The following GABRA3 variants were observed in gnomAD, a reference collection of about 807,000 sequenced individuals.
GABRA3 encodes gamma-aminobutyric acid type A receptor subunit alpha3, also known as gamma-aminobutyric acid receptor subunit alpha-3.
In GABRA3, 10 loss-of-function variants were observed where a neutral mutation model predicts 30.1. The observed-to-expected ratio is 0.33, with a 90% CI of 0.20 to 0.56. GABRA3 has a LOEUF of 0.56. Among genes scored for constraint, GABRA3 ranks in the 20% least tolerant of loss-of-function variants. The pLI is 0.89. For missense variants in GABRA3, 233 were observed against 392.0 expected, an observed-to-expected ratio of 0.59 and a Z score of 3.42; for synonymous variants, 151 against 146.8, an observed-to-expected ratio of 1.03 and a Z score of -0.21.
At position 152,368,768 on chromosome X, in the gene GABRA3, T is replaced by C. The variant is rs767265823; in HGVS notation, c.-26-4172A>G. ...TCGCCCAGGCTGGAGTGCAGTGGCG[T>C]GATCTCGGCTCACTGCAAGCTCTGC... On this transcript the variant is annotated intron_variant, in intron 1 of 9. Coordinates refer to ENST00000370314, the MANE Select transcript of GABRA3 (RefSeq NM_000808.4). Among the ~76,000 whole-genome samples the C allele has an allele frequency of 3.4e-3, 327 of 95,125 alleles. 1 individual carries two copies. The highest frequency in any genetic ancestry group is 5.5e-3 in the Non-Finnish European group (267 of 48,775). The allele number at this position is 95,125 out of a possible 115,157, so 82.6% of individuals were successfully genotyped here. A position where few individuals can be genotyped will look rare whatever the true frequency, so the allele number is the denominator to read the frequency against.
At chrX:152,397,684 C>T (rs1929694603) in intron 1 of GABRA3, among the ~76,000 whole-genome samples, 1 of 111,864 alleles carries the variant, frequency 8.9e-6, no homozygotes, top group Non-Finnish European at 1.9e-5. Context: ...CTAAAATATA[C>T]TTATTTTCCC....
intron 4 of GABRA3, among the ~76,000 whole-genome samples, chrX:152,265,150 AATAG>A (rs1938801030): frequency 9.0e-6 from 1 of 111,660 alleles, no homozygotes; most frequent in Admixed American, 9.5e-5. Flanking sequence ...AAATGGACCT[AATAG>A]ATATTTACAG....
chrX:152,248,595 A>G (rs989857991), intron 5 of GABRA3, among the ~76,000 whole-genome samples: 3 of 112,098 alleles, frequency 2.7e-5, no homozygotes, highest in Non-Finnish European at 3.8e-5. Flanking sequence ...CAAGAAATAC[A>G]CTTCTATCAT....
chrX:152,168,222 C>G lies in GABRA3; in HGVS notation c.*6G>C. The G allele has an allele frequency of 8.3e-7, 1 of 1,203,411 alleles. No individual in the cohort carries two copies. The highest frequency in any genetic ancestry group is 1.1e-6 in the Non-Finnish European group (1 of 888,489). On this transcript the variant is annotated 3_prime_UTR_variant, in exon 10 of 10. Coordinates refer to ENST00000370314, the MANE Select transcript of GABRA3 (RefSeq NM_000808.4). ...AGTGCTCTGGTTGCTGCACTGCCAC[C>G]ACTATCTACTGTTTGCGGATCATGC... is the stretch of plus-strand genomic sequence containing the variant.
intron 4 of GABRA3, among the ~76,000 whole-genome samples, chrX:152,283,552 C>A (rs767264728): frequency 8.9e-6 from 1 of 112,009 alleles, no homozygotes; most frequent in East Asian, 2.8e-4. Flanking sequence ...TAAATCAACT[C>A]TCAGGCTCCA....
intron 3 of GABRA3, among the ~76,000 whole-genome samples, chrX:152,343,168 A>G (rs1007971058): frequency 9.1e-6 from 1 of 110,478 alleles, no homozygotes; most frequent in Admixed American, 9.7e-5. Flanking sequence ...CAATTTCTCA[A>G]CTTCTTCTCA....
At chrX:152,421,269 C>T (rs960298977) in intron 1 of GABRA3, among the ~76,000 whole-genome samples, 1 of 110,608 alleles carries the variant, frequency 9.0e-6, no homozygotes, top group African/African-American at 3.3e-5. Flanking sequence ...GAAATTTACT[C>T]GTTTATATCA....
intron 3 of GABRA3, among the ~76,000 whole-genome samples, chrX:152,326,074 C>T (rs892517771): frequency 9.0e-6 from 1 of 110,639 alleles, no homozygotes; most frequent in East Asian, 2.9e-4. Context: ...CTTCAGTAGC[C>T]GATTTGATCA....
At chrX:152,328,419 T>C (rs1940103342) in intron 3 of GABRA3, among the ~76,000 whole-genome samples, 1 of 111,590 alleles carries the variant, frequency 9.0e-6, no homozygotes, top group South Asian at 3.8e-4. Context: ...TAGACCATTA[T>C]CCCTGATGAA....
chrX:152,332,685 G>C (rs1025047685), intron 3 of GABRA3, among the ~76,000 whole-genome samples: 6 of 111,796 alleles, frequency 5.4e-5, no homozygotes, highest in African/African-American at 1.6e-4. Flanking sequence ...CTGACCTCTT[G>C]GTCTGCCTGC....
At chrX:152,420,659 T>C (rs183479390) in intron 1 of GABRA3, among the ~76,000 whole-genome samples, 26 of 111,461 alleles carry the variant, frequency 2.3e-4, no homozygotes, top group Middle Eastern at 4.7e-3. Flanking sequence ...TGTCTGGGAA[T>C]TGGCAATCCG....
intron 6 of GABRA3, among the ~76,000 whole-genome samples, chrX:152,219,618 A>G (rs1937793749): frequency 9.0e-6 from 1 of 111,444 alleles, no homozygotes; most frequent in South Asian, 3.7e-4. Flanking sequence ...AAAAGTTTTG[A>G]AATTCTCTGG....
At chrX:152,201,518 GTC>G (rs1937484318) in intron 7 of GABRA3, among the ~76,000 whole-genome samples, 1 of 112,019 alleles carries the variant, frequency 8.9e-6, no homozygotes, top group Non-Finnish European at 1.9e-5. Context: ...CTATTGCTGT[GTC>G]TCTCTGTCTT....
intron 5 of GABRA3, among the ~76,000 whole-genome samples, chrX:152,238,629 C>G (rs1378779618): frequency 2.8e-5 from 3 of 108,524 alleles, no homozygotes; most frequent in East Asian, 2.9e-4. Context: ...GTCCTGGACT[C>G]TTTTTGGTTG....
chrX:152,174,864 C>T (rs1374533390), intron 9 of GABRA3, among the ~76,000 whole-genome samples: 5 of 111,900 alleles, frequency 4.5e-5, no homozygotes, highest in Non-Finnish European at 9.4e-5. Flanking sequence ...GAAGTCCTTG[C>T]CCATGCCTAT....
intron 3 of GABRA3, among the ~76,000 whole-genome samples, chrX:152,294,588 A>G (rs1226845406): frequency 5.4e-5 from 6 of 111,139 alleles, no homozygotes; most frequent in Non-Finnish European, 1.1e-4. Context: ...CCTTTAGCTC[A>G]GAGAAGTTTG....
At chrX:152,207,287 ATAT>A (rs2124365325) in intron 7 of GABRA3, among the ~76,000 whole-genome samples, 1 of 111,797 alleles carries the variant, frequency 8.9e-6, no homozygotes, top group African/African-American at 3.3e-5. Flanking sequence ...AGCAAAAAAA[ATAT>A]TATGTGATAT....
intron 6 of GABRA3, among the ~76,000 whole-genome samples, chrX:152,221,187 T>A: frequency 8.9e-6 from 1 of 111,764 alleles, no homozygotes; most frequent in Non-Finnish European, 1.9e-5. Flanking sequence ...TCCAAGATCA[T>A]GGAGATACTC....
intron 7 of GABRA3, among the ~76,000 whole-genome samples, chrX:152,198,352 C>T (rs113435296): frequency 3.6e-5 from 4 of 112,465 alleles, no homozygotes; most frequent in African/African-American, 1.3e-4. Context: ...CAAAAGTTCA[C>T]ATAGCAGAAT....
Sources: allele counts gnomAD v4.1 joint callset (sites outside exome capture counted in the v4.1 genomes callset), GRCh38; gene constraint gnomAD v4.1.1; transcripts MANE v1.5; gene names NCBI Gene and HGNC (gene_info 2026-07-23, HGNC 2026-07-21).